Variants in SHTN1 observed in about 807,000 individuals in gnomAD.
SHTN1 encodes the protein shootin-1.
SHTN1 carries 42 observed loss-of-function variants against 83.1 expected under a neutral mutation model. That is an observed-to-expected ratio of 0.51 (90% CI 0.39 to 0.65). The LOEUF (loss-of-function observed/expected upper bound fraction) is 0.65, where lower values mean the gene tolerates loss of function less well. SHTN1 is among the 30% of genes least tolerant of loss of function. SHTN1 has a pLI of 0.00. For synonymous variants in SHTN1, 224 were observed against 247.7 expected (o/e 0.90, Z 0.90); for missense variants, 622 against 737.8 (o/e 0.84, Z 1.82).
intron 1 of SHTN1, among the ~76,000 whole-genome samples, chr10:117,049,726 T>A (rs1343237930): frequency 4.6e-5 from 7 of 152,096 alleles, no homozygotes; most frequent in African/African-American, 1.7e-4. Flanking sequence ...GAGGCTTGGA[T>A]GAAGGAAAGG....
At chr10:117,038,753 T>C (rs1273664711) in intron 2 of SHTN1, among the ~76,000 whole-genome samples, 1 of 152,082 alleles carries the variant, frequency 6.6e-6, no homozygotes, top group Non-Finnish European at 1.5e-5. Flanking sequence ...ACATCAAATA[T>C]CATCAGGGAA....
intron 1 of SHTN1, among the ~76,000 whole-genome samples, chr10:117,106,464 AAAT>A (rs1270120744): frequency 3.3e-5 from 5 of 152,194 alleles, no homozygotes; most frequent in Non-Finnish European, 1.5e-5. Context: ...CAAAATAAAT[AAAT>A]AATAACAAAA....
intron 13 of SHTN1, 119 bp from the exon 14 acceptor site, chr10:116,911,962 A>T (rs1475707074): frequency 1.1e-5 from 8 of 726,772 alleles, no homozygotes; most frequent in African/African-American, 1.8e-5. Flanking sequence ...GACTATATAT[A>T]TTTTTAAATT....
chr10:117,066,747 A>G (rs920240800), intron 1 of SHTN1, among the ~76,000 whole-genome samples: 2 of 152,224 alleles, frequency 1.3e-5, no homozygotes, highest in African/African-American at 4.8e-5. Flanking sequence ...GGTATACTAG[A>G]AAGAACGTGG....
At chr10:117,067,484 AC>A (rs1430307239) in intron 1 of SHTN1, among the ~76,000 whole-genome samples, 1 of 152,168 alleles carries the variant, frequency 6.6e-6, no homozygotes, top group African/African-American at 2.4e-5. Flanking sequence ...AGTTCCAGCT[AC>A]TCAGGAGGCT....
intron 13 of SHTN1, among the ~76,000 whole-genome samples, chr10:116,912,859 A>T (rs1848252260): frequency 6.6e-6 from 1 of 152,174 alleles, no homozygotes; most frequent in Non-Finnish European, 1.5e-5. Flanking sequence ...GCAACCTATA[A>T]TCCTTTCCTC....
chr10:116,923,858 T>C (rs953598559), intron 11 of SHTN1, among the ~76,000 whole-genome samples: 3 of 152,192 alleles, frequency 2.0e-5, no homozygotes, highest in Non-Finnish European at 4.4e-5. Context: ...GCCTCCAGTT[T>C]CTTAATCGTT....
In SHTN1 at chr10:116,926,710, G is replaced by GT. The variant is rs202211964; in HGVS notation, c.1112+1081dup. Among the ~76,000 whole-genome samples the GT allele has an allele frequency of 5.4e-3, 791 of 146,780 alleles. 7 individuals carry two copies. Among genetic ancestry groups the GT allele is most frequent in the African/African-American group, 0.02 (757 of 38,456 alleles). ...AACAAATCACATGAGTTAATGAAAG[G>GT]TTTAAAAAAAAAAAAAACCCTAGAA... On this transcript the variant is annotated intron_variant, in intron 11 of 16. Transcript: ENST00000355371.
chr10:116,901,665 C>A, intron 16 of SHTN1, 100 bp downstream of exon 16: 2 of 1,355,864 alleles, frequency 1.5e-6, no homozygotes, highest in Non-Finnish European at 1.9e-6. Context: ...TACCGGCGAG[C>A]CAATCAAAAT....
chr10:116,902,343 T>G (rs1212385168), intron 15 of SHTN1, among the ~76,000 whole-genome samples: 1 of 152,220 alleles, frequency 6.6e-6, no homozygotes, highest in Non-Finnish European at 1.5e-5. Flanking sequence ...AACTCAGTTC[T>G]GCATTTTAAA....
chr10:117,018,575 T>C (rs1168797454), intron 2 of SHTN1, among the ~76,000 whole-genome samples: 2 of 149,156 alleles, frequency 1.3e-5, no homozygotes, highest in Non-Finnish European at 3.0e-5. Context: ...ACCATTTTTT[T>C]TTTTTTTTTT....
upstream of SHTN1, among the ~76,000 whole-genome samples, chr10:117,007,741 C>T (rs1425691834): frequency 1.3e-5 from 2 of 151,574 alleles, no homozygotes; most frequent in African/African-American, 4.8e-5. Flanking sequence ...AGTTTTTGTT[C>T]CGTTTAATAA....
intron 10 of SHTN1, among the ~76,000 whole-genome samples, chr10:116,928,862 T>C (rs1848845987): frequency 6.6e-6 from 1 of 152,156 alleles, no homozygotes; most frequent in South Asian, 2.1e-4. Context: ...TTTCCTAGGA[T>C]AGGGCTGGGT....
intron 2 of SHTN1, among the ~76,000 whole-genome samples, chr10:116,975,647 TA>T (rs548784731): frequency 4.6e-4 from 63 of 135,794 alleles, no homozygotes; most frequent in Admixed American, 1.3e-3. Flanking sequence ...AAGTCACTGA[TA>T]AAAAAAAAAA....
At chr10:117,123,298 C>T (rs1216019428) in intron 1 of SHTN1, among the ~76,000 whole-genome samples, 3 of 152,148 alleles carry the variant, frequency 2.0e-5, no homozygotes, top group African/African-American at 4.8e-5. Context: ...GGTTCTATCC[C>T]TTTCCACTCT....
intron 1 of SHTN1, among the ~76,000 whole-genome samples, chr10:117,115,217 T>C (rs1043622353): frequency 6.6e-6 from 1 of 152,182 alleles, no homozygotes; most frequent in Non-Finnish European, 1.5e-5. Flanking sequence ...GTCAGACAGG[T>C]CTGAGATTAA....
At chr10:117,049,335 A>C (rs527486121) in intron 1 of SHTN1, among the ~76,000 whole-genome samples, 1 of 152,264 alleles carries the variant, frequency 6.6e-6, no homozygotes, top group South Asian at 2.1e-4. Context: ...AGGATAGAAA[A>C]TGGCAGAACT....
chr10:116,914,330 G>A (rs768058122), intron 13 of SHTN1, among the ~76,000 whole-genome samples: 15 of 152,046 alleles, frequency 9.9e-5, no homozygotes, highest in Non-Finnish European at 2.1e-4. Flanking sequence ...AAATTAGCTG[G>A]GCATGGTGGC....
In SHTN1 at chr10:117,065,728, G is replaced by GAAAGA. The variant is rs1450736492; in HGVS notation, c.-188-17223_-188-17219dup. 3.3e-3 allele frequency among the ~76,000 whole-genome samples: 24 copies of GAAAGA among 7,356 alleles called. 6 individuals carry two copies. Among genetic ancestry groups the GAAAGA allele is most frequent in the Non-Finnish European group, 8.0e-3 (16 of 1,994 alleles). 4.8% of individuals were successfully genotyped at this position (7,356 alleles called of 152,430 possible). A position where few individuals can be genotyped will look rare whatever the true frequency, so the allele number is the denominator to read the frequency against. On this transcript the variant is annotated intron_variant, in intron 1 of 17. Transcript: ENST00000392901. ...GCGAGAGAGAGAGAGAGAGAGAGATGAAAGAAAGAAAGAAAGAAAGAAAGA... is the reference window on the plus strand; with the variant it reads ...GCGAGAGAGAGAGAGAGAGAGAGATGAAAGAAAAGAAAGAAAGAAAGAAAGAAAGA...
Sources: gnomAD v4.1 joint callset for allele counts (sites outside exome capture counted in the v4.1 genomes callset) on GRCh38, gnomAD v4.1.1 for gene constraint, MANE v1.5 for transcripts, NCBI Gene and HGNC (gene_info 2026-07-23, HGNC 2026-07-21) for gene names.